Variants in SCFD1 observed in about 807,000 individuals in gnomAD.
SCFD1 encodes the protein sec1 family domain-containing protein 1.
A neutral mutation model predicts 103.2 loss-of-function variants in SCFD1; 37 were observed. The observed-to-expected ratio is 0.36, with a 90% CI of 0.28 to 0.47. The LOEUF (loss-of-function observed/expected upper bound fraction) is 0.47. Among genes scored for constraint, SCFD1 ranks in the 20% least tolerant of loss-of-function variants. SCFD1 has a pLI of 1.00. For synonymous variants in SCFD1, 264 were observed against 245.0 expected (o/e 1.08, Z -0.73); for missense variants, 639 against 761.2 (o/e 0.84, Z 1.89).
At chr14:30,694,232 G>A (rs935574510) in intron 14 of SCFD1, among the ~76,000 whole-genome samples, 19 of 152,100 alleles carry the variant, frequency 1.2e-4, no homozygotes, top group African/African-American at 4.6e-4. Context: ...AATACAATAA[G>A]TAACAATTGT....
chr14:30,639,947 G>A (rs1382375953), intron 6 of SCFD1, 83 bp downstream of exon 6: 2 of 1,423,006 alleles, frequency 1.4e-6, no homozygotes, highest in Non-Finnish European at 1.9e-6. Flanking sequence ...ATGTTTAATG[G>A]ACTTCAAAAC....
At chr14:30,703,893 A>G (rs1891244185) in intron 17 of SCFD1, among the ~76,000 whole-genome samples, 1 of 119,690 alleles carries the variant, frequency 8.4e-6, no homozygotes, top group Non-Finnish European at 1.8e-5. Context: ...TGATTTTTTC[A>G]GATTTGGGAA....
intron 10 of SCFD1, among the ~76,000 whole-genome samples, chr14:30,663,375 A>G (rs1887618438): frequency 6.6e-6 from 1 of 152,202 alleles, no homozygotes; most frequent in South Asian, 2.1e-4. Context: ...TTTAAATCTA[A>G]GGTTCTTTCC....
intron 2 of SCFD1, among the ~76,000 whole-genome samples, chr14:30,629,228 A>G (rs918217947): frequency 2.6e-5 from 4 of 152,182 alleles, no homozygotes; most frequent in African/African-American, 9.7e-5. Flanking sequence ...TTGAGATTAA[A>G]AGAGGGAAGA....
In SCFD1 at chr14:30,622,415, C is replaced by T; in HGVS notation, c.61+16C>T. The T allele has an allele frequency of 6.4e-7, 1 of 1,551,362 alleles. No individual in the cohort carries two copies. Among genetic ancestry groups the T allele is most frequent in the Non-Finnish European group, 8.7e-7 (1 of 1,146,738 alleles). On this transcript the variant is annotated intron_variant, in intron 1 of 24. Coordinates refer to ENST00000458591, the MANE Select transcript of SCFD1 (RefSeq NM_016106.4). ...AGGCAGACAGGTACTGACTTATTCT[C>T]TTCTCCTTGAAGCTTCGTGACTGCC... is the stretch of plus-strand genomic sequence containing the variant.
At chr14:30,642,509 T>A (rs556588683) in intron 6 of SCFD1, among the ~76,000 whole-genome samples, 10 of 152,224 alleles carry the variant, frequency 6.6e-5, no homozygotes, top group Non-Finnish European at 1.3e-4. Context: ...CCTGGGTGAT[T>A]CTTATACTCA....
chr14:30,648,568 CT>C (rs1348847562), intron 7 of SCFD1, among the ~76,000 whole-genome samples: 1 of 152,180 alleles, frequency 6.6e-6, no homozygotes, highest in Non-Finnish European at 1.5e-5. Context: ...TCATTCTTTT[CT>C]TTTAAGTCAA....
At chr14:30,679,588 G>T (rs1264306590) in intron 14 of SCFD1, among the ~76,000 whole-genome samples, 2 of 151,938 alleles carry the variant, frequency 1.3e-5, no homozygotes, top group East Asian at 3.9e-4. Flanking sequence ...CAAAGAAGAA[G>T]TCTTGGACAT....
At position 30,684,422 on chromosome 14, in the gene SCFD1, A is replaced by G. The variant is rs1057188328; in HGVS notation, c.1242+9357A>G. Among the ~76,000 whole-genome samples the G allele has an allele frequency of 3.9e-5, 6 of 152,338 alleles. No individual in the cohort carries two copies. In the East Asian group the frequency reaches 7.7e-4, roughly 20 times the overall value. ...AAACCCTGTGGGCTATAGCCAGTCA[A>G]ATGTCTTACACAATCTGTATATGTA... On this transcript the variant is annotated intron_variant, in intron 14 of 24. Transcript: ENST00000458591.
chr14:30,626,316 A>T (rs1883442721), intron 1 of SCFD1, among the ~76,000 whole-genome samples: 1 of 152,080 alleles, frequency 6.6e-6, no homozygotes, highest in African/African-American at 2.4e-5. Context: ...GTGTATGGTA[A>T]ATACACCTGA....
chr14:30,705,775 AG>A (rs749886051), intron 17 of SCFD1, 47 bp from the exon 18 acceptor site: 5 of 1,379,812 alleles, frequency 3.6e-6, no homozygotes, highest in Non-Finnish European at 5.2e-6. Context: ...TGACACCCAG[AG>A]TTAGTTCTAA....
At chr14:30,704,949 A>G (rs1025745745) in intron 17 of SCFD1, among the ~76,000 whole-genome samples, 2 of 152,226 alleles carry the variant, frequency 1.3e-5, no homozygotes, top group African/African-American at 4.8e-5. Context: ...TCAAAGTGGT[A>G]GGATTCTTCT....
chr14:30,649,410 T>C, intron 7 of SCFD1, 118 bp from the exon 8 acceptor site: 1 of 678,718 alleles, frequency 1.5e-6, no homozygotes, highest in Non-Finnish European at 2.5e-6. Flanking sequence ...CATAAAATCG[T>C]GTGTAACGTG....
At position 30,628,298 on chromosome 14, in the gene SCFD1, G is replaced by A. The variant is rs1416508107; in HGVS notation, c.132+19G>A. ...ATGGAAGGTAAGAGTTTATCTTAAT[G>A]GGAACTGATTTCTGTTTTTCTCAGC... On this transcript the variant is annotated intron_variant, in intron 2 of 24. Transcript: ENST00000458591. 1.3e-6 allele frequency: 2 copies of A among 1,540,108 alleles called. No individual in the cohort carries two copies. Among genetic ancestry groups the A allele is most frequent in the South Asian group, 1.2e-5 (1 of 86,776 alleles).
chr14:30,719,395 TG>T lies in SCFD1; in HGVS notation c.1736+19del, dbSNP rs1302876357. 6.3e-7 allele frequency: 1 copy of T among 1,589,756 alleles called. No homozygotes were observed. The highest frequency in any genetic ancestry group is 8.6e-7 in the Non-Finnish European group (1 of 1,165,114). On this transcript the variant is annotated intron_variant, in intron 21 of 24. Transcript: ENST00000458591. ...AATGACAGGTAAGCAGCTTTTGTCTTGTTTAACTTGTGGATTTTTTCCCCTC... is the reference window on the plus strand; with the variant it reads ...AATGACAGGTAAGCAGCTTTTGTCTTTTTAACTTGTGGATTTTTTCCCCTC...
intron 14 of SCFD1, among the ~76,000 whole-genome samples, chr14:30,681,423 A>G (rs1594688453): frequency 6.6e-6 from 1 of 152,120 alleles, no homozygotes; most frequent in East Asian, 1.9e-4. Context: ...GTACATTTTA[A>G]ATTTTTTATA....
At chr14:30,691,335 A>G (rs1384013586) in intron 14 of SCFD1, among the ~76,000 whole-genome samples, 1 of 152,198 alleles carries the variant, frequency 6.6e-6, no homozygotes, top group African/African-American at 2.4e-5. Flanking sequence ...CTGTATGGAG[A>G]CATTTAATGG....
At chr14:30,719,440 T>G (rs1892502448) in intron 21 of SCFD1, 63 bp downstream of exon 21, 3 of 1,198,386 alleles carry the variant, frequency 2.5e-6, no homozygotes, top group Non-Finnish European at 3.7e-6. Flanking sequence ...AAATAATTTT[T>G]TTATTATATA....
At chr14:30,727,899 G>GA (rs539675875) in intron 23 of SCFD1, among the ~76,000 whole-genome samples, 18 of 149,510 alleles carry the variant, frequency 1.2e-4, no homozygotes, top group African/African-American at 2.5e-4. Context: ...GAGGAAAGAT[G>GA]AAAAAAAAAC....
Sources: gnomAD v4.1 joint callset for allele counts (sites outside exome capture counted in the v4.1 genomes callset) on GRCh38, gnomAD v4.1.1 for gene constraint, MANE v1.5 for transcripts, NCBI Gene and HGNC (gene_info 2026-07-23, HGNC 2026-07-21) for gene names.